SRP54: variants seen among roughly 807,000 people sequenced by gnomAD.
SRP54 encodes the protein signal recognition particle 54.
A neutral mutation model predicts 64.8 loss-of-function variants in SRP54; 10 were observed. The observed-to-expected ratio is 0.15, with a 90% CI of 0.10 to 0.26. SRP54 has a LOEUF of 0.26. SRP54 is among the 10% of genes least tolerant of loss of function. The pLI is 1.00. For synonymous variants in SRP54, 193 were observed against 185.6 expected (o/e 1.04, Z -0.32); for missense variants, 325 against 613.7 (o/e 0.53, Z 4.97).
chr14:35,018,288 C>G (rs1220325160), intron 11 of SRP54, among the ~76,000 whole-genome samples: 1 of 152,140 alleles, frequency 6.6e-6, no homozygotes, highest in Non-Finnish European at 1.5e-5. Flanking sequence ...TTAAGAAACT[C>G]CAAACAATCT....
rs753615185 is a variant in SRP54 at position 35,013,366 on chromosome 14, T to C, written c.657T>C (p.Tyr219=). Residue 219 remains tyrosine, a synonymous_variant, in exon 9 of 16, where the codon TAT becomes TAC. Transcript: ENST00000216774. ...ANAIQPDNIV[Y]VMDASIGQAC... is the part of the protein sequence containing the mutation. ...TCTAGCAACCTGATAACATTGTTTA[T>C]GTGATGGATGCCTCCATTGGGCAGG... 6.2e-7 allele frequency: 1 copy of C among 1,613,738 alleles called. No homozygotes were observed. The highest frequency in any genetic ancestry group is 2.2e-5 in the East Asian group (1 of 44,878).
chr14:35,017,873 T>C (rs1039622818), intron 11 of SRP54, among the ~76,000 whole-genome samples: 3 of 152,140 alleles, frequency 2.0e-5, no homozygotes, highest in Non-Finnish European at 4.4e-5. Flanking sequence ...GTAATCCTAG[T>C]GCTTTAGGAG....
intron 1 of SRP54, among the ~76,000 whole-genome samples, chr14:34,991,109 C>CTTTT (rs71435838): frequency 0.012 from 1,337 of 110,666 alleles, 3 homozygotes; most frequent in Non-Finnish European, 0.018. Flanking sequence ...AATTTCTTTT[C>CTTTT]TTTTTTTTTT....
chr14:35,011,136 C>T (rs2044350986), intron 7 of SRP54, among the ~76,000 whole-genome samples: 1 of 151,780 alleles, frequency 6.6e-6, no homozygotes, highest in African/African-American at 2.4e-5. Context: ...ATTGCTCAGG[C>T]TTGTTACAAG....
chr14:35,009,261 G>A (rs115416044), intron 7 of SRP54, among the ~76,000 whole-genome samples: 5,019 of 151,326 alleles, frequency 0.033, 123 homozygotes, highest in Middle Eastern at 0.088. Flanking sequence ...GCCCAGGCTG[G>A]TCCCAAGCTC....
intron 13 of SRP54, 80 bp downstream of exon 13, chr14:35,019,154 C>A: frequency 1.0e-6 from 1 of 957,594 alleles, no homozygotes; most frequent in Non-Finnish European, 1.6e-6. Context: ...TTCTTGTGGA[C>A]AAGATGGGGA....
At chr14:35,007,025 CA>C (rs1023287618) in intron 4 of SRP54, among the ~76,000 whole-genome samples, 10 of 151,662 alleles carry the variant, frequency 6.6e-5, no homozygotes, top group Non-Finnish European at 1.3e-4. Flanking sequence ...CCTGTCTCTA[CA>C]AAAAAAAATT....
chr14:35,016,702 A>G (rs1193371831), intron 11 of SRP54, among the ~76,000 whole-genome samples: 2 of 152,160 alleles, frequency 1.3e-5, no homozygotes, highest in Non-Finnish European at 1.5e-5. Context: ...CTTGAAGGTG[A>G]AGGTAGAGGT....
chr14:35,026,472 A>C (rs965263620), intron 14 of SRP54, among the ~76,000 whole-genome samples: 1 of 151,756 alleles, frequency 6.6e-6, no homozygotes, highest in African/African-American at 2.4e-5. Context: ...GGGCTCAAGT[A>C]ATCAGCCTAC....
chr14:34,999,772 T>C (rs971924284), intron 3 of SRP54, 123 bp downstream of exon 3: 9 of 664,076 alleles, frequency 1.4e-5, no homozygotes, highest in South Asian at 1.9e-5. Flanking sequence ...GGAAAAGTGC[T>C]GTGTTGGAGC....
chr14:34,986,712 T>C (rs1374944306), intron 1 of SRP54, among the ~76,000 whole-genome samples: 1 of 152,030 alleles, frequency 6.6e-6, no homozygotes, highest in Non-Finnish European at 1.5e-5. Flanking sequence ...AACCCATCTC[T>C]ACTACAAATA....
intron 1 of SRP54, among the ~76,000 whole-genome samples, chr14:34,994,078 C>G (rs936962183): frequency 1.3e-5 from 2 of 152,162 alleles, no homozygotes; most frequent in African/African-American, 2.4e-5. Context: ...ACTGTAACCT[C>G]TGCCTCCCAT....
rs1275114387 is a variant in SRP54, at chr14:35,013,512, T to C, written c.785+18T>C. On this transcript the variant is annotated intron_variant, in intron 9 of 15. Coordinates refer to ENST00000216774, the MANE Select transcript of SRP54 (RefSeq NM_003136.4). ...CTCAGTGCGTAAGTATCATTGATACTGTTGTCCTCTGTCTTGGGATTATAT... is the reference window on the plus strand; with the variant it reads ...CTCAGTGCGTAAGTATCATTGATACCGTTGTCCTCTGTCTTGGGATTATAT... 2.5e-6 allele frequency: 4 copies of C among 1,611,064 alleles called. No individual in the cohort carries two copies. The African/African-American group carries it at 4.0e-5, about 16-fold the overall frequency.
chr14:35,001,151 G>T, intron 4 of SRP54, 131 bp downstream of exon 4: 1 of 314,780 alleles, frequency 3.2e-6, no homozygotes. Flanking sequence ...ATTAATGAAA[G>T]GATTATTGAG....
Position 35,000,559 on chromosome 14 carries a change from T to G in SRP54, c.171-377T>G, listed in dbSNP as rs1449101551. Among the ~76,000 whole-genome samples, 5 of 124,214 alleles carry G rather than the reference T, an allele frequency of 4.0e-5. No homozygotes were observed. The East Asian group carries it at 1.7e-3, about 42-fold the overall frequency. The allele number at this position is 124,214 out of a possible 152,430, so 81.5% of individuals were successfully genotyped here. A position where few individuals can be genotyped will look rare whatever the true frequency, so the allele number is the denominator to read the frequency against. ...TCCATCCTGGCTGATAGTGAGACTG[T>G]CTCAAAAAAAAAAAAAGAAAAAAGA... On this transcript the variant is annotated intron_variant, in intron 3 of 15. Coordinates refer to ENST00000216774, the MANE Select transcript of SRP54 (RefSeq NM_003136.4).
intron 7 of SRP54, 48 bp from the exon 8 acceptor site, chr14:35,011,461 A>G (rs1341047897): frequency 1.5e-6 from 2 of 1,343,282 alleles, no homozygotes; most frequent in African/African-American, 1.5e-5. Flanking sequence ...AATTAGTAGT[A>G]TTTGGAAGTT....
intron 11 of SRP54, among the ~76,000 whole-genome samples, chr14:35,017,809 C>G (rs1041235008): frequency 1.3e-5 from 2 of 152,142 alleles, no homozygotes; most frequent in African/African-American, 4.8e-5. Context: ...TGTGCCCTTT[C>G]CCGGTAATAC....
intron 1 of SRP54, among the ~76,000 whole-genome samples, chr14:34,995,631 T>C (rs962878317): frequency 6.6e-6 from 1 of 152,188 alleles, no homozygotes; most frequent in Admixed American, 6.5e-5. Flanking sequence ...GTAATACTTT[T>C]ATAAAACAGT....
intron 1 of SRP54, among the ~76,000 whole-genome samples, chr14:34,987,513 G>C (rs2043918448): frequency 6.6e-5 from 10 of 151,790 alleles, no homozygotes; most frequent in Admixed American, 5.3e-4. Flanking sequence ...TATGTATTCT[G>C]AACAATTCAT....
Sources: allele counts gnomAD v4.1 joint callset (sites outside exome capture counted in the v4.1 genomes callset), GRCh38; gene constraint gnomAD v4.1.1; transcripts MANE v1.5; gene names NCBI Gene and HGNC (gene_info 2026-07-23, HGNC 2026-07-21).